Variants in WDPCP observed in about 807,000 individuals in gnomAD.
The protein encoded by WDPCP is WD repeat-containing and planar cell polarity effector protein fritz homolog.
A neutral mutation model predicts 93.1 loss-of-function variants in WDPCP; 71 were observed. The ratio of observed to expected loss-of-function variants is 0.76; its 90% confidence interval spans 0.63 to 0.93. The LOEUF (loss-of-function observed/expected upper bound fraction) is 0.93, where lower values mean the gene tolerates loss of function less well. Ranked by LOEUF, WDPCP falls within the 40% of genes least tolerant of loss-of-function variation. The probability of loss-of-function intolerance (pLI) is 0.00; values close to 1 mark genes in which losing one functional copy is unlikely to be tolerated. For synonymous variants in WDPCP, 315 were observed against 315.0 expected, an observed-to-expected ratio of 1.00 and a Z score of 0.00; for missense variants, 844 against 887.4, an observed-to-expected ratio of 0.95 and a Z score of 0.62.
intron 12 of WDPCP, 58 bp from the exon 13 acceptor site, chr2:63,313,369 A>G (rs1686329952): frequency 6.6e-7 from 1 of 1,504,714 alleles, no homozygotes; most frequent in South Asian, 1.2e-5. Flanking sequence ...AAAAGAAAAG[A>G]GCTGTTTATT....
At chr2:63,613,295 G>A (rs561361468) in intron 3 of WDPCP, among the ~76,000 whole-genome samples, 1 of 152,348 alleles carries the variant, frequency 6.6e-6, no homozygotes, top group African/African-American at 2.4e-5. Context: ...GATTTACTAA[G>A]GCAGTGCTCC....
intron 10 of WDPCP, 105 bp downstream of exon 10, chr2:63,403,943 G>A (rs1694343972): frequency 5.4e-6 from 8 of 1,478,514 alleles, no homozygotes; most frequent in Non-Finnish European, 7.4e-6. Context: ...ATATTTATGG[G>A]ATGATAAATA....
chr2:63,659,772 G>A (rs1036452530), intron 2 of WDPCP, among the ~76,000 whole-genome samples: 7 of 152,154 alleles, frequency 4.6e-5, no homozygotes, highest in Non-Finnish European at 1.0e-4. Context: ...ATATGAGCCC[G>A]TGAGCTTCCA....
intron 9 of WDPCP, among the ~76,000 whole-genome samples, chr2:63,405,820 T>G (rs1694532574): frequency 6.6e-6 from 1 of 152,008 alleles, no homozygotes; most frequent in Non-Finnish European, 1.5e-5. Flanking sequence ...TTAAAGAAGG[T>G]CAGACCCAGA....
intron 2 of WDPCP, among the ~76,000 whole-genome samples, chr2:63,710,931 A>C (rs370536070): frequency 5.9e-5 from 9 of 152,328 alleles, no homozygotes; most frequent in African/African-American, 2.2e-4. Flanking sequence ...ATGCTGGAGT[A>C]AGCTGTGCCC....
intron 2 of WDPCP, among the ~76,000 whole-genome samples, chr2:63,707,521 C>T (rs1669181516): frequency 6.6e-6 from 1 of 152,026 alleles, no homozygotes; most frequent in African/African-American, 2.4e-5. Context: ...TCTAGTTATC[C>T]ATTCATCTAA....
intron 12 of WDPCP, chr2:63,378,145 T>G (rs1218253960): frequency 1.4e-5 from 7 of 504,772 alleles, no homozygotes; most frequent in South Asian, 2.2e-5. Context: ...ATAGCTTTCA[T>G]ATTAAAGAGG....
intron 14 of WDPCP, among the ~76,000 whole-genome samples, chr2:63,230,675 C>T (rs1433106764): frequency 2.0e-5 from 3 of 152,172 alleles, no homozygotes; most frequent in African/African-American, 7.2e-5. Context: ...ATTTGCATTT[C>T]TCTGATGGCC....
At chr2:63,175,722 A>G (rs1559175821) in intron 14 of WDPCP, among the ~76,000 whole-genome samples, 1 of 152,188 alleles carries the variant, frequency 6.6e-6, no homozygotes. Context: ...CACTTAGCAT[A>G]ATGTCCTCAA....
chr2:63,575,652 C>G lies in WDPCP; in HGVS notation c.75+12545G>C, dbSNP rs373858955. On this transcript the variant is annotated intron_variant, in intron 1 of 17. Coordinates refer to ENST00000272321, the MANE Select transcript of WDPCP (RefSeq NM_015910.7). ...TACTATACAGTATATATACTGTATA[C>G]TACTAAATATATCTTATTTACTATA... 9.4e-5 allele frequency among the ~76,000 whole-genome samples: 14 copies of G among 148,512 alleles called. 1 individual carries two copies. The South Asian group carries it at 3.0e-3, about 32-fold the overall frequency.
chr2:63,209,703 C>A (rs1452436324), intron 14 of WDPCP, among the ~76,000 whole-genome samples: 2 of 152,242 alleles, frequency 1.3e-5, no homozygotes, highest in South Asian at 2.1e-4. Context: ...ATGACAGCAT[C>A]TTTTTAGAAT....
intron 9 of WDPCP, among the ~76,000 whole-genome samples, chr2:63,407,783 T>C (rs561501677): frequency 1.3e-5 from 2 of 152,254 alleles, no homozygotes; most frequent in Non-Finnish European, 2.9e-5. Flanking sequence ...TTTCTTAAGC[T>C]ATGAATTAAA....
chr2:63,259,310 C>G lies in WDPCP; in HGVS notation c.1912G>C (p.Val638Leu), dbSNP rs767576008. 6.2e-7 allele frequency: 1 copy of G among 1,612,160 alleles called. No homozygotes were observed. The highest frequency in any genetic ancestry group is 8.5e-7 in the Non-Finnish European group (1 of 1,179,118). ...TAAAAATAGCGTTAATTCTTACCAA[C>G]CCCAGAGGTTATTGATTCTGCATCA... Reference protein sequence around the residue: ...DIDAESITSGVELLGPLDRGD... With the variant: ...DIDAESITSGLELLGPLDRGD... Residue 638 changes from valine (V) to leucine (L), a missense_variant, in exon 14 of 18, where the codon GTT becomes CTT. Transcript: ENST00000272321.
intron 17 of WDPCP, among the ~76,000 whole-genome samples, chr2:63,124,170 C>G (rs1669738027): frequency 6.6e-6 from 1 of 150,406 alleles, no homozygotes; most frequent in Non-Finnish European, 1.5e-5. Flanking sequence ...GGACCAAAAG[C>G]TATGAAATTT....
intron 1 of WDPCP, among the ~76,000 whole-genome samples, chr2:63,544,765 T>C (rs1383583500): frequency 6.6e-6 from 1 of 152,176 alleles, no homozygotes; most frequent in Non-Finnish European, 1.5e-5. Flanking sequence ...TCAATAGTTA[T>C]TAGATTTTTT....
At chr2:63,267,808 C>G (rs1559264662) in intron 13 of WDPCP, among the ~76,000 whole-genome samples, 1 of 151,654 alleles carries the variant, frequency 6.6e-6, no homozygotes, top group African/African-American at 2.4e-5. Flanking sequence ...CTACTAATGT[C>G]AAAAAAGAAA....
At chr2:63,824,829 G>A (rs576012717) in intron 1 of WDPCP, among the ~76,000 whole-genome samples, 1 of 151,820 alleles carries the variant, frequency 6.6e-6, no homozygotes, top group East Asian at 1.9e-4. Context: ...GAGAGTAAAG[G>A]GAAAAATAAA....
intron 8 of WDPCP, among the ~76,000 whole-genome samples, chr2:63,434,328 TA>T (rs1416134558): frequency 1.3e-5 from 2 of 152,142 alleles, no homozygotes; most frequent in Non-Finnish European, 2.9e-5. Context: ...GTTTAAGACA[TA>T]ACGTGTTAAC....
intron 12 of WDPCP, among the ~76,000 whole-genome samples, chr2:63,346,137 C>T (rs1399704314): frequency 6.6e-6 from 1 of 152,006 alleles, no homozygotes; most frequent in African/African-American, 2.4e-5. Flanking sequence ...CTGAGGAGCC[C>T]AAGAGATGGA....
Sources: allele counts gnomAD v4.1 joint callset (sites outside exome capture counted in the v4.1 genomes callset), GRCh38; gene constraint gnomAD v4.1.1; transcripts MANE v1.5; gene names NCBI Gene and HGNC (gene_info 2026-07-23, HGNC 2026-07-21).